HTR2C: variants seen among roughly 807,000 people sequenced by gnomAD.
HTR2C encodes the protein 5-hydroxytryptamine receptor 2C.
HTR2C carries 5 observed loss-of-function variants against 21.0 expected under a neutral mutation model. The observed-to-expected ratio is 0.24, with a 90% CI of 0.12 to 0.50. The LOEUF is 0.50. Ranked by LOEUF, HTR2C falls within the 20% of genes least tolerant of loss-of-function variation. The pLI is 0.98. For missense variants in HTR2C, 271 were observed against 371.2 expected, an observed-to-expected ratio of 0.73 and a Z score of 2.22; for synonymous variants, 150 against 145.3, an observed-to-expected ratio of 1.03 and a Z score of -0.23.
chrX:114,779,807 T>C (rs1469635599), intron 4 of HTR2C, among the ~76,000 whole-genome samples: 1 of 112,065 alleles, frequency 8.9e-6, no homozygotes, highest in Admixed American at 9.5e-5. Context: ...GAAGATACTT[T>C]GTAAGTTTAT....
intron 5 of HTR2C, among the ~76,000 whole-genome samples, chrX:114,849,797 CAAAAA>C (rs1168073990): frequency 1.8e-5 from 2 of 110,921 alleles, no homozygotes; most frequent in Non-Finnish European, 3.8e-5. Context: ...CATAAACAAA[CAAAAA>C]AAACCCCATA....
At chrX:114,696,274 C>T (rs1359070133) in intron 2 of HTR2C, among the ~76,000 whole-genome samples, 1 of 111,531 alleles carries the variant, frequency 9.0e-6, no homozygotes, top group Non-Finnish European at 1.9e-5. Flanking sequence ...TCACGTCACC[C>T]TTCATCTTTG....
At chrX:114,614,546 C>T (rs1437040242) in intron 2 of HTR2C, among the ~76,000 whole-genome samples, 4 of 110,945 alleles carry the variant, frequency 3.6e-5, no homozygotes, top group African/African-American at 1.3e-4. Flanking sequence ...AGGCGTGAAC[C>T]ACCTAGCCCA....
chrX:114,727,999 T>C (rs782157559), intron 3 of HTR2C, among the ~76,000 whole-genome samples: 2 of 111,898 alleles, frequency 1.8e-5, no homozygotes, highest in African/African-American at 3.2e-5. Flanking sequence ...TTGGCCCATA[T>C]ACCAAAGTGT....
intron 1 of HTR2C, among the ~76,000 whole-genome samples, chrX:114,606,720 C>G (rs1047370986): frequency 9.0e-6 from 1 of 111,623 alleles, no homozygotes; most frequent in Admixed American, 9.4e-5. Context: ...ATCTTTCTCA[C>G]GGAGCAAAGA....
At chrX:114,617,972 A>T (rs1929014619) in intron 2 of HTR2C, among the ~76,000 whole-genome samples, 3 of 112,211 alleles carry the variant, frequency 2.7e-5, no homozygotes, top group Admixed American at 9.5e-5. Flanking sequence ...GTAAATGAAC[A>T]TACACATTTA....
In HTR2C at chrX:114,806,823, TATATATACACCAC is replaced by T. The variant is rs1357370342; in HGVS notation, c.350-41167_350-41155del. On this transcript the variant is annotated intron_variant, in intron 4 of 5. Coordinates refer to ENST00000276198, the MANE Select transcript of HTR2C (RefSeq NM_000868.4). The stretch of plus-strand genomic sequence containing the variant: ...ATATATACACCATATATATACTGTA[TATATATACACCAC>T]ATATATACACCATATATATACCGTA... Among the ~76,000 whole-genome samples, 10 of 100,760 alleles carry T rather than the reference TATATATACACCAC, an allele frequency of 9.9e-5. No individual in the cohort carries two copies. The East Asian group carries it at 2.6e-3, about 26-fold the overall frequency. 87.5% of individuals were successfully genotyped at this position (100,760 alleles called of 115,157 possible). A position where few individuals can be genotyped will look rare whatever the true frequency, so the allele number is the denominator to read the frequency against.
intron 4 of HTR2C, among the ~76,000 whole-genome samples, chrX:114,804,861 C>T (rs1374244167): frequency 7.2e-5 from 8 of 111,770 alleles, no homozygotes; most frequent in Non-Finnish European, 1.5e-4. Flanking sequence ...ATTTTTTATG[C>T]TACCATTTGT....
intron 2 of HTR2C, among the ~76,000 whole-genome samples, chrX:114,710,793 C>T (rs1932881237): frequency 9.0e-6 from 1 of 111,046 alleles, no homozygotes; most frequent in African/African-American, 3.3e-5. Context: ...ATCACAATGA[C>T]AGATTTAGTG....
chrX:114,755,252 A>C (rs1391496634), intron 4 of HTR2C, among the ~76,000 whole-genome samples: 1 of 109,968 alleles, frequency 9.1e-6, no homozygotes, highest in Non-Finnish European at 1.9e-5. Context: ...AAAAAAAAAA[A>C]AAAAACACGG....
intron 5 of HTR2C, among the ~76,000 whole-genome samples, chrX:114,901,460 A>T (rs2071336705): frequency 8.9e-6 from 1 of 111,912 alleles, no homozygotes; most frequent in African/African-American, 3.2e-5. Context: ...AGTAGTTATA[A>T]TAGCAGTAGT....
intron 1 of HTR2C, among the ~76,000 whole-genome samples, chrX:114,590,799 A>G (rs1927594784): frequency 8.9e-6 from 1 of 111,945 alleles, no homozygotes; most frequent in African/African-American, 3.2e-5. Context: ...ACAGTGAAAT[A>G]CACCATTATA....
chrX:114,771,438 C>T (rs1428915873), intron 4 of HTR2C, among the ~76,000 whole-genome samples: 2 of 111,655 alleles, frequency 1.8e-5, no homozygotes, highest in Non-Finnish European at 3.8e-5. Flanking sequence ...TGCTATGAGC[C>T]AGTTTTTCTT....
At chrX:114,733,266 C>T (rs929292235) in intron 4 of HTR2C, among the ~76,000 whole-genome samples, 2 of 109,719 alleles carry the variant, frequency 1.8e-5, no homozygotes, top group Non-Finnish European at 3.8e-5. Context: ...AAAAATTAGC[C>T]GGGCGTGGTG....
At chrX:114,699,924 C>T (rs782157962) in intron 2 of HTR2C, among the ~76,000 whole-genome samples, 47 of 108,560 alleles carry the variant, frequency 4.3e-4, no homozygotes, top group African/African-American at 1.5e-3. Context: ...AAAGTTGCTA[C>T]CACAGATATT....
At chrX:114,663,427 T>C (rs1350126240) in intron 2 of HTR2C, among the ~76,000 whole-genome samples, 1 of 111,898 alleles carries the variant, frequency 8.9e-6, no homozygotes, top group Non-Finnish European at 1.9e-5. Flanking sequence ...GTCACATGAC[T>C]TATGAAGCTT....
intron 2 of HTR2C, among the ~76,000 whole-genome samples, chrX:114,712,707 G>T (rs1296493430): frequency 1.8e-5 from 2 of 111,599 alleles, no homozygotes; most frequent in African/African-American, 6.5e-5. Context: ...GTCAGCTGTT[G>T]TTAAGTGGAA....
intron 5 of HTR2C, among the ~76,000 whole-genome samples, chrX:114,903,164 AAGAC>A (rs1438474608): frequency 9.0e-6 from 1 of 111,643 alleles, no homozygotes; most frequent in Non-Finnish European, 1.9e-5. Context: ...AGTATTGAAT[AAGAC>A]AGTGTACAAC....
Position 114,633,947 on chromosome X carries a change from T to TATATAGAG in HTR2C, c.-80+20067_-80+20068insTATAGAGA, listed in dbSNP as rs201763901. Among the ~76,000 whole-genome samples, 474 of 92,181 alleles carry TATATAGAG rather than the reference T, an allele frequency of 5.1e-3. 1 individual carries two copies. The highest frequency in any genetic ancestry group is 5.9e-3 in the African/African-American group (151 of 25,491). The allele number at this position is 92,181 out of a possible 115,157, so 80.0% of individuals were successfully genotyped here. A position where few individuals can be genotyped will look rare whatever the true frequency, so the allele number is the denominator to read the frequency against. On this transcript the variant is annotated intron_variant, in intron 2 of 5. Coordinates refer to ENST00000276198, the MANE Select transcript of HTR2C (RefSeq NM_000868.4). ...ATATGCATGTGTATATATATATATA[T>TATATAGAG]AGAGAGAGAGAGAGAGATGGTAGGT...
Sources: allele counts gnomAD v4.1 joint callset (sites outside exome capture counted in the v4.1 genomes callset), GRCh38; gene constraint gnomAD v4.1.1; transcripts MANE v1.5; gene names NCBI Gene and HGNC (gene_info 2026-07-23, HGNC 2026-07-21).